The following LCT variants were observed in gnomAD, a reference collection of about 807,000 sequenced individuals.
The protein encoded by LCT is lactase.
Under a neutral mutation model 173.0 loss-of-function variants are expected in LCT, and 90 were observed. The ratio of observed to expected loss-of-function variants is 0.52; its 90% CI spans 0.44 to 0.62. The LOEUF is 0.62. LCT is among the 20% of genes least tolerant of loss of function. LCT has a pLI of 0.00. For missense variants in LCT, 1,864 were observed against 2,431.4 expected, an observed-to-expected ratio of 0.77 and a Z score of 4.91; for synonymous variants, 853 against 957.6, an observed-to-expected ratio of 0.89 and a Z score of 2.02.
At chr2:135,833,723 G>A (rs1448588374) in intron 1 of LCT, among the ~76,000 whole-genome samples, 1 of 151,808 alleles carries the variant, frequency 6.6e-6, no homozygotes, top group Non-Finnish European at 1.5e-5. Context: ...TGGGATTACA[G>A]GCGTGAGCCA....
chr2:135,798,173 A>T (rs747526955), intron 12 of LCT, 35 bp from the exon 13 acceptor site: 9 of 1,070,798 alleles, frequency 8.4e-6, no homozygotes, highest in Non-Finnish European at 1.3e-5. Flanking sequence ...CCCAGGCGTT[A>T]CAGGTGGGCA....
chr2:135,794,587 G>A, intron 14 of LCT, 54 bp downstream of exon 14: 2 of 1,592,826 alleles, frequency 1.3e-6, no homozygotes, highest in Middle Eastern at 2.1e-4. Context: ...ACAGCCAAGG[G>A]CACCTTTCTG....
Position 135,800,735 on chromosome 2 carries a change from G to T in LCT, c.4738C>A (p.His1580Asn). Residue 1580 changes from histidine (H) to asparagine (N), a missense_variant, in exon 12 of 17, where the codon CAT becomes AAT. Around this residue, in one of 4 missense-constraint regions of LCT, gnomAD observed 514 missense variants for 750.1 expected, o/e 0.69. Transcript: ENST00000264162. Reference sequence around the variant, plus strand: ...GCGCGGTACACATCGTTGTACAGATGCCAGGCCTCAGCATGAGCCTTTATT... The same window carrying T: ...GCGCGGTACACATCGTTGTACAGATTCCAGGCCTCAGCATGAGCCTTTATT... ...NLIKAHAEAWHLYNDVYRASQ... is the reference protein window; with the variant it reads ...NLIKAHAEAWNLYNDVYRASQ... 1 of 1,614,144 alleles carries T rather than the reference G, an allele frequency of 6.2e-7. No homozygotes were observed.
chr2:135,815,768 C>T (rs372713173), intron 6 of LCT, among the ~76,000 whole-genome samples: 25 of 152,138 alleles, frequency 1.6e-4, no homozygotes, highest in Non-Finnish European at 2.4e-4. Context: ...GGCATAATCT[C>T]GGCTCACTAC....
intron 13 of LCT, among the ~76,000 whole-genome samples, chr2:135,797,236 C>A (rs1428041767): frequency 2.6e-5 from 4 of 152,184 alleles, no homozygotes; most frequent in Non-Finnish European, 5.9e-5. Flanking sequence ...GTGTGAGCCA[C>A]CGCACCCGGC....
chr2:135,821,915 G>T, intron 5 of LCT, 105 bp downstream of exon 5: 1 of 763,528 alleles, frequency 1.3e-6, no homozygotes, highest in Non-Finnish European at 2.3e-6. Context: ...CAACTTGGTG[G>T]CCCAAGAGTT....
chr2:135,810,008 A>T lies in LCT; in HGVS notation c.2354-15T>A. ...TTCCTTGATAGCTGTGAAGAAAAAT[A>T]AAAATTAGATTTATTTATTTATGGA... On this transcript the variant is annotated splice_polypyrimidine_tract_variant and intron_variant, in intron 7 of 16. Transcript: ENST00000264162. 6.6e-7 allele frequency: 1 copy of T among 1,515,916 alleles called. No individual in the cohort carries two copies. Among genetic ancestry groups the T allele is most frequent in the Non-Finnish European group, 9.1e-7 (1 of 1,093,200 alleles). 93.9% of individuals were successfully genotyped at this position (1,515,916 alleles called of 1,614,324 possible). A position where few individuals can be genotyped will look rare whatever the true frequency, so the allele number is the denominator to read the frequency against.
chr2:135,793,845 G>A (rs2077553461), intron 14 of LCT, among the ~76,000 whole-genome samples: 1 of 152,050 alleles, frequency 6.6e-6, no homozygotes, highest in Non-Finnish European at 1.5e-5. Flanking sequence ...AAGGCAAGGG[G>A]ATCATCTGAG....
In LCT at chr2:135,790,841, C is replaced by G. The variant is rs1559547837; in HGVS notation, c.5152G>C (p.Gly1718Arg). The G allele has an allele frequency of 6.2e-7, 1 of 1,614,172 alleles. No individual in the cohort carries two copies. Among genetic ancestry groups the G allele is most frequent in the Non-Finnish European group, 8.5e-7 (1 of 1,180,030 alleles). ...SIADRSWPDSGSFWLKMTPFG... is the reference protein window; with the variant it reads ...SIADRSWPDSRSFWLKMTPFG... Reference sequence around the variant, plus strand: ...GGCGTCATCTTCAGCCAGAAGGAGCCAGAGTCTGGCCACGAGCGATCTGCG... The same window carrying G: ...GGCGTCATCTTCAGCCAGAAGGAGCGAGAGTCTGGCCACGAGCGATCTGCG... Residue 1718 changes from glycine to arginine, a missense_variant, in exon 15 of 17, where the codon GGC becomes CGC. Transcript: ENST00000264162. This position sits in a 1 kb window ranked among gnomAD's most constrained non-coding sequence, Gnocchi z 4.1.
intron 6 of LCT, among the ~76,000 whole-genome samples, chr2:135,813,234 T>G (rs957453931): frequency 1.3e-4 from 19 of 149,144 alleles, no homozygotes; most frequent in Non-Finnish European, 2.5e-4. Flanking sequence ...ACTAACAATG[T>G]CAACAAGTCA....
At position 135,788,242 on chromosome 2, in the gene LCT, C is replaced by CT; in HGVS notation, c.*81dup. ...TGGAGAAGTCCAGTATCAGCAGAGT[C>CT]TAAGACCCTAAGGTGTTTGGTGGCC... On this transcript the variant is annotated 3_prime_UTR_variant, in exon 17 of 17. Transcript: ENST00000264162. 2.0e-6 allele frequency: 2 copies of CT among 993,042 alleles called. No individual in the cohort carries two copies. Among genetic ancestry groups the CT allele is most frequent in the African/African-American group, 1.6e-5 (1 of 63,314 alleles). The allele number at this position is 993,042 out of a possible 1,614,324, so 61.5% of individuals were successfully genotyped here.
At chr2:135,794,861 T>A in intron 13 of LCT, 86 bp from the exon 14 acceptor site, 1 of 1,498,752 alleles carries the variant, frequency 6.7e-7, no homozygotes, top group Non-Finnish European at 9.3e-7. Flanking sequence ...GCGGGGGAGC[T>A]CTCCGAACCC....
intron 14 of LCT, among the ~76,000 whole-genome samples, chr2:135,792,234 C>T (rs2077537873): frequency 6.6e-6 from 1 of 152,176 alleles, no homozygotes; most frequent in African/African-American, 2.4e-5. Context: ...AGCCCTGTAG[C>T]CACTCCCTGT....
intron 13 of LCT, among the ~76,000 whole-genome samples, chr2:135,796,770 C>A (rs1043510358): frequency 1.3e-5 from 2 of 152,136 alleles, no homozygotes; most frequent in Non-Finnish European, 2.9e-5. Context: ...GACCCCTCCC[C>A]CTGGCCCTGG....
Position 135,809,966 on chromosome 2 carries a change from C to T in LCT, c.2381G>A (p.Arg794His), listed in dbSNP as rs765444568. The T allele has an allele frequency of 9.3e-6, 15 of 1,612,762 alleles. No homozygotes were observed. Among genetic ancestry groups the T allele is most frequent in the Admixed American group, 1.7e-5 (1 of 60,000 alleles). The change falls in exon 8 of 17, where the codon CGT becomes CAT. Residue 794 changes from arginine to histidine, a missense_variant. This residue lies in a region of LCT where 755 missense variants were observed against 926.3 expected (regional missense o/e 0.82). Transcript: ENST00000264162. This position sits in a 1 kb window ranked among gnomAD's most constrained non-coding sequence, Gnocchi z 5.5. ...KAIKEDSVDVRSYIARSLIDG... is the reference protein window; with the variant it reads ...KAIKEDSVDVHSYIARSLIDG... ...AATGAGGGAACGAGCAATGTAGGAA[C>T]GAACATCCACAGAGTCTTCCTTGAT... is the stretch of plus-strand genomic sequence containing the variant.
At chr2:135,835,889 A>G (rs1202856573) in intron 1 of LCT, among the ~76,000 whole-genome samples, 1 of 150,352 alleles carries the variant, frequency 6.7e-6, no homozygotes, top group African/African-American at 2.5e-5. Flanking sequence ...TCAGGGTAGC[A>G]GGACATAGAC....
rs763610312 is a variant in LCT, at chr2:135,789,680, A to G, written c.5454T>C (p.Pro1818=). The G allele has an allele frequency of 2.2e-5, 35 of 1,614,192 alleles. No homozygotes were observed. The highest frequency in any genetic ancestry group is 3.0e-5 in the Non-Finnish European group (35 of 1,180,000). ...FGLHFVNYSD[P]SLPRIPKASA... is the part of the protein sequence containing the mutation. ...ATGCTTTGGGGATCCTTGGCAGAGA[A>G]GGGTCACTGTAGTTCACAAAATGCA... is the stretch of plus-strand genomic sequence containing the variant. Residue 1818 remains proline, a synonymous_variant, in exon 16 of 17, where the codon CCT becomes CCC. Coordinates refer to ENST00000264162, the MANE Select transcript of LCT (RefSeq NM_002299.4).
rs901537632 is a variant in LCT at position 135,790,528 on chromosome 2, C to G, written c.5335+130G>C. 6.8e-5 allele frequency: 45 copies of G among 665,924 alleles called. No individual in the cohort carries two copies. The highest frequency in any genetic ancestry group is 2.1e-5 in the Non-Finnish European group (8 of 375,906). 41.3% of individuals were successfully genotyped at this position (665,924 alleles called of 1,614,324 possible). ...GTGCGGCCCTAAAGCAAAGCTTAAC[C>G]CCCACAGGAGCAAGAAGGCTTATCG... On this transcript the variant is annotated intron_variant, in intron 15 of 16. Coordinates refer to ENST00000264162, the MANE Select transcript of LCT (RefSeq NM_002299.4). This position sits in a 1 kb window ranked among gnomAD's most constrained non-coding sequence, Gnocchi z 4.1.
rs2077717236 is a variant in LCT at position 135,809,701 on chromosome 2, G to A, written c.2646C>T (p.Val882=). ...GTTGGCTGGAGAACTTTTCCCAAAC[G>A]ACTTTAGCCTTGGAGGGCACCTCAG... ...FPSEVPSKAK[V]VWEKFSSQPK... Residue 882 remains valine, a synonymous_variant, in exon 8 of 17, where the codon GTC becomes GTT. Coordinates refer to ENST00000264162, the MANE Select transcript of LCT (RefSeq NM_002299.4). The surrounding 1 kb of genome is among the most constrained non-coding windows in gnomAD (Gnocchi z 5.5). The A allele has an allele frequency of 1.9e-6, 3 of 1,614,140 alleles. No individual in the cohort carries two copies. The highest frequency in any genetic ancestry group is 1.7e-5 in the Admixed American group (1 of 60,016).
Sources: allele counts gnomAD v4.1 joint callset (sites outside exome capture counted in the v4.1 genomes callset), GRCh38; gene constraint gnomAD v4.1.1; regional missense constraint gnomAD v4.1.1; non-coding constraint Gnocchi (gnomAD v3.1); transcripts MANE v1.5; gene names NCBI Gene and HGNC (gene_info 2026-07-23, HGNC 2026-07-21).